The following ABCC8 variants were observed in gnomAD, a reference collection of about 807,000 sequenced individuals.
ABCC8 encodes the protein ATP-binding cassette sub-family C member 8.
A neutral mutation model predicts 188.0 loss-of-function variants in ABCC8; 137 were observed. That is an observed-to-expected ratio of 0.73 (90% CI 0.63 to 0.84). The LOEUF is 0.84. ABCC8 is among the 40% of genes least tolerant of loss of function. ABCC8 has a pLI of 0.00. For synonymous variants in ABCC8, 797 were observed against 846.5 expected (o/e 0.94, Z 1.01); for missense variants, 1,750 against 2,072.7 (o/e 0.84, Z 3.02).
Position 17,415,313 on chromosome 11 carries a change from A to C in ABCC8, c.2282T>G (p.Leu761Trp). ...PSPERETATD[L>W]DIRKRGPVAY... ...TCCCAGGACGCAGTACCTGATATCC[A>C]AGTCGGTCGCTGTCTCCCGCTCTGG... is the stretch of plus-strand genomic sequence containing the variant. Residue 761 changes from leucine (L) to tryptophan (W), a missense_variant, in exon 18 of 39, where the codon TTG becomes TGG. By Grantham distance (61) the Leu-to-Trp change is moderately conservative (BLOSUM62 -2). Transcript: ENST00000389817. The C allele has an allele frequency of 6.2e-7, 1 of 1,610,204 alleles. No homozygotes were observed. Among genetic ancestry groups the C allele is most frequent in the Non-Finnish European group, 8.5e-7 (1 of 1,178,872 alleles).
chr11:17,396,187 T>TGG lies in ABCC8; in HGVS notation c.4120-258_4120-257insCC, dbSNP rs1418239408. The TGG allele has an allele frequency of 1.2e-5, 9 of 778,322 alleles. No homozygotes were observed. The African/African-American group carries it at 1.6e-4, about 14-fold the overall frequency. The allele number at this position is 778,322 out of a possible 1,614,324, so 48.2% of individuals were successfully genotyped here. A position where few individuals can be genotyped will look rare whatever the true frequency, so the allele number is the denominator to read the frequency against. On this transcript the variant is annotated intron_variant, in intron 33 of 38. Transcript: ENST00000389817. ...GCCTGGGCCTTGGTGTGGGTCTGGG[T>TGG]GTGCCGGGTACTTGGCTGAAGGAGA...
At chr11:17,402,854 C>T in intron 28 of ABCC8, 101 bp from the exon 29 acceptor site, 4 of 1,432,710 alleles carry the variant, frequency 2.8e-6, no homozygotes, top group Middle Eastern at 1.7e-4. Context: ...GGGTGAATGG[C>T]CTTACCTCTC....
intron 10 of ABCC8, among the ~76,000 whole-genome samples, chr11:17,437,625 G>A (rs547196991): frequency 2.4e-4 from 36 of 152,232 alleles, no homozygotes; most frequent in Non-Finnish European, 4.0e-4. Context: ...CAGGTTAATG[G>A]TGTCAGTTGC....
At chr11:17,408,033 A>C (rs1366606415) in intron 23 of ABCC8, among the ~76,000 whole-genome samples, 1 of 152,218 alleles carries the variant, frequency 6.6e-6, no homozygotes. Flanking sequence ...TGGATCCAGC[A>C]CACTTAAAGC....
intron 3 of ABCC8, among the ~76,000 whole-genome samples, chr11:17,465,169 G>T (rs933475424): frequency 6.6e-6 from 1 of 152,192 alleles, no homozygotes; most frequent in Admixed American, 6.5e-5. Context: ...GCTCAGGCTG[G>T]TCTCTAGGAC....
intron 16 of ABCC8, among the ~76,000 whole-genome samples, chr11:17,420,161 G>T (rs1256272819): frequency 6.6e-6 from 1 of 152,182 alleles, no homozygotes; most frequent in Non-Finnish European, 1.5e-5. Flanking sequence ...GGATATACAG[G>T]GCTCCACAGC....
chr11:17,422,632 G>A (rs746103461), intron 16 of ABCC8, among the ~76,000 whole-genome samples: 2 of 152,004 alleles, frequency 1.3e-5, no homozygotes, highest in Non-Finnish European at 2.9e-5. Flanking sequence ...ACCTCACACT[G>A]TGTTATGATT....
chr11:17,471,178 T>G (rs1270169768), intron 2 of ABCC8, among the ~76,000 whole-genome samples: 1 of 152,210 alleles, frequency 6.6e-6, no homozygotes, highest in Admixed American at 6.5e-5. Flanking sequence ...CAAGGGTCCC[T>G]GCCCTTGAGA....
intron 10 of ABCC8, chr11:17,435,809 T>C: frequency 7.8e-7 from 1 of 1,282,970 alleles, no homozygotes; most frequent in Non-Finnish European, 1.1e-6. Flanking sequence ...ATATGATACA[T>C]GAGAGGGAAG....
At chr11:17,453,776 C>T (rs1412466169) in intron 6 of ABCC8, among the ~76,000 whole-genome samples, 3 of 152,142 alleles carry the variant, frequency 2.0e-5, no homozygotes, top group Non-Finnish European at 4.4e-5. Context: ...CCGTAGAGCT[C>T]TCAGGAGAGA....
At chr11:17,469,634 G>T (rs1371028549) in intron 3 of ABCC8, among the ~76,000 whole-genome samples, 1 of 151,878 alleles carries the variant, frequency 6.6e-6, no homozygotes, top group Non-Finnish European at 1.5e-5. Context: ...TGGGACTCTT[G>T]CTCGCTCCTC....
chr11:17,422,323 G>A (rs568486581), intron 16 of ABCC8, among the ~76,000 whole-genome samples: 34 of 152,320 alleles, frequency 2.2e-4, no homozygotes, highest in Admixed American at 9.2e-4. Flanking sequence ...CCTGGAGTCT[G>A]TCTGTCTTTT....
intron 16 of ABCC8, among the ~76,000 whole-genome samples, chr11:17,423,801 A>G (rs936570953): frequency 1.6e-4 from 25 of 152,210 alleles, no homozygotes; most frequent in African/African-American, 5.8e-4. Flanking sequence ...TTGGACTGTC[A>G]GGCTAGCTAT....
intron 16 of ABCC8, among the ~76,000 whole-genome samples, chr11:17,420,753 C>T (rs1955302965): frequency 1.3e-5 from 2 of 152,136 alleles, no homozygotes; most frequent in Admixed American, 1.3e-4. Flanking sequence ...TCCTGCTGAC[C>T]CCCCGGGGGC....
At chr11:17,475,449 C>A (rs1226381691) in intron 1 of ABCC8, among the ~76,000 whole-genome samples, 2 of 152,108 alleles carry the variant, frequency 1.3e-5, no homozygotes, top group African/African-American at 2.4e-5. Flanking sequence ...GTCTCGAACT[C>A]CTGGACTCAA....
At chr11:17,395,008 C>T (rs1953834167) in intron 36 of ABCC8, 164 bp downstream of exon 36, 2 of 873,816 alleles carry the variant, frequency 2.3e-6, no homozygotes, top group Non-Finnish European at 3.6e-6. Flanking sequence ...GGGCAAGACA[C>T]CTGACCTCTC....
In ABCC8 at chr11:17,460,638, G is replaced by C. The variant is rs781153781; in HGVS notation, c.861C>G (p.Ile287Met). ...CGAAGGCATGGCTGAGTGCCTGCCAGATGGCCCGGGCACCTTGAGTGCCCT... is the reference window on the plus strand; with the variant it reads ...CGAAGGCATGGCTGAGTGCCTGCCACATGGCCCGGGCACCTTGAGTGCCCT... ...DIQGTQGARA[I>M]WQALSHAFGR... is the part of the protein sequence containing the mutation. Residue 287 changes from isoleucine (I) to methionine (M), a missense_variant, in exon 6 of 39, where the codon ATC becomes ATG. Coordinates refer to ENST00000389817, the MANE Select transcript of ABCC8 (RefSeq NM_000352.6). 3.7e-6 allele frequency: 6 copies of C among 1,611,756 alleles called. No individual in the cohort carries two copies. The South Asian group carries it at 6.6e-5, about 18-fold the overall frequency.
At chr11:17,400,526 G>A (rs1198662516) in intron 29 of ABCC8, among the ~76,000 whole-genome samples, 2 of 152,146 alleles carry the variant, frequency 1.3e-5, no homozygotes, top group Non-Finnish European at 2.9e-5. Flanking sequence ...TCCTGGCTGT[G>A]TATCAGGACT....
chr11:17,394,373 TC>T lies in ABCC8; in HGVS notation c.4437del (p.Asn1480IlefsTer17). 6.2e-7 allele frequency: 1 copy of T among 1,614,088 alleles called. No individual in the cohort carries two copies. The highest frequency in any genetic ancestry group is 8.5e-7 in the Non-Finnish European group (1 of 1,180,030). ...AGCTGCCTCTGTCCCTGGCTGAAAT[TC>T]TCCCCGCCTTCTGTGATGATGGCAT... ...GLDAIITEGG[E>X]NFSQGQRQLF... On this transcript the variant is annotated frameshift_variant, in exon 37 of 39. Transcript: ENST00000389817. LOFTEE classifies it high-confidence loss of function.
Sources: allele counts gnomAD v4.1 joint callset (sites outside exome capture counted in the v4.1 genomes callset), GRCh38; gene constraint gnomAD v4.1.1; transcripts MANE v1.5; gene names NCBI Gene and HGNC (gene_info 2026-07-23, HGNC 2026-07-21).